Variants in IGSF21 observed in about 807,000 individuals in gnomAD.
IGSF21 encodes the protein immunoglobulin superfamily member 21.
IGSF21 carries 28 observed loss-of-function variants against 46.8 expected under a neutral mutation model. The observed-to-expected ratio is 0.60, with a 90% CI of 0.44 to 0.82. The LOEUF is 0.82. Among genes scored for constraint, IGSF21 ranks in the 40% least tolerant of loss-of-function variants. The probability of loss-of-function intolerance (pLI) is 0.00; values close to 1 mark genes in which losing one functional copy is unlikely to be tolerated. For missense variants in IGSF21, 624 were observed against 665.5 expected (o/e 0.94, Z 0.69); for synonymous variants, 284 against 273.6 (o/e 1.04, Z -0.38).
Position 18,334,820 on chromosome 1 carries a change from T to C in IGSF21, c.306-72T>C. The C allele has an allele frequency of 9.2e-7, 1 of 1,082,106 alleles. No homozygotes were observed. The highest frequency in any genetic ancestry group is 1.3e-5 in the South Asian group (1 of 78,644). 67.0% of individuals were successfully genotyped at this position (1,082,106 alleles called of 1,614,324 possible). A position where few individuals can be genotyped will look rare whatever the true frequency, so the allele number is the denominator to read the frequency against. ...GAGGCTGCACCAGTGGGCATCAGGA[T>C]GAGTTTCCTTGAACGCTGCCTCACC... On this transcript the variant is annotated intron_variant, in intron 3 of 9. Coordinates refer to ENST00000251296, the MANE Select transcript of IGSF21 (RefSeq NM_032880.5). This position sits in a 1 kb window ranked among gnomAD's most constrained non-coding sequence, Gnocchi z 4.3.
intron 8 of IGSF21, 39 bp from the exon 9 acceptor site, chr1:18,377,354 C>A: frequency 6.3e-7 from 1 of 1,594,450 alleles, no homozygotes; most frequent in Non-Finnish European, 8.6e-7. Context: ...CTCTGAAGGC[C>A]ATCCACCCTT....
intron 2 of IGSF21, among the ~76,000 whole-genome samples, chr1:18,271,991 C>T (rs979858336): frequency 5.9e-5 from 9 of 151,884 alleles, no homozygotes; most frequent in African/African-American, 2.2e-4. Flanking sequence ...TTCATGCTGC[C>T]GATAAAGACA....
intron 1 of IGSF21, among the ~76,000 whole-genome samples, chr1:18,215,031 C>A (rs975003861): frequency 6.6e-6 from 1 of 152,172 alleles, no homozygotes; most frequent in Non-Finnish European, 1.5e-5. Context: ...TGAGCCACTG[C>A]GCCTGGCCAG....
At chr1:18,267,019 C>A (rs2084996087) in intron 2 of IGSF21, among the ~76,000 whole-genome samples, 1 of 152,162 alleles carries the variant, frequency 6.6e-6, no homozygotes, top group African/African-American at 2.4e-5. Flanking sequence ...GAGAGGCCAG[C>A]ATGATGGAGG....
rs552426980 is a variant in IGSF21, at chr1:18,142,233, A to T, written c.70+34035A>T. Among the ~76,000 whole-genome samples, 6 of 152,222 alleles carry T rather than the reference A, an allele frequency of 3.9e-5. No individual in the cohort carries two copies. The East Asian group carries it at 1.2e-3, about 29-fold the overall frequency. On this transcript the variant is annotated intron_variant, in intron 1 of 9. Coordinates refer to ENST00000251296, the MANE Select transcript of IGSF21 (RefSeq NM_032880.5). ...ACAAGGGGACTCCATTTAATGAACA[A>T]CTACTCTATGACTAGCACCTATAAA...
chr1:18,243,309 A>G (rs1407435876), intron 2 of IGSF21, among the ~76,000 whole-genome samples: 1 of 152,048 alleles, frequency 6.6e-6, no homozygotes, highest in Non-Finnish European at 1.5e-5. Context: ...CGGCATCACC[A>G]TCCACCAGTT....
In IGSF21 at chr1:18,109,021, C is replaced by G. The variant is rs1465114364; in HGVS notation, c.70+823C>G. Among the ~76,000 whole-genome samples the G allele has an allele frequency of 3.6e-5, 2 of 55,922 alleles. No individual in the cohort carries two copies. Among genetic ancestry groups the G allele is most frequent in the Non-Finnish European group, 7.3e-5 (2 of 27,374 alleles). 36.7% of individuals were successfully genotyped at this position (55,922 alleles called of 152,430 possible). A position where few individuals can be genotyped will look rare whatever the true frequency, so the allele number is the denominator to read the frequency against. Reference sequence around the variant, plus strand: ...GTGTGTGTGTGTGTGTGTGTCCCGCCGTGTGGACTTGCTCCCGGGTTAGGC... The same window carrying G: ...GTGTGTGTGTGTGTGTGTGTCCCGCGGTGTGGACTTGCTCCCGGGTTAGGC... On this transcript the variant is annotated intron_variant, in intron 1 of 9. Coordinates refer to ENST00000251296, the MANE Select transcript of IGSF21 (RefSeq NM_032880.5). This position sits in a 1 kb window ranked among gnomAD's most constrained non-coding sequence, Gnocchi z 4.8.
chr1:18,320,398 T>A (rs1486207744), intron 3 of IGSF21, among the ~76,000 whole-genome samples: 1 of 152,176 alleles, frequency 6.6e-6, no homozygotes, highest in Non-Finnish European at 1.5e-5. Flanking sequence ...AGGACTGGGC[T>A]TTTGGTGGGC....
intron 2 of IGSF21, 26 bp from the exon 3 acceptor site, chr1:18,291,840 G>A (rs768348974): frequency 6.2e-6 from 10 of 1,612,200 alleles, no homozygotes; most frequent in South Asian, 5.5e-5. Context: ...GCACTCACGT[G>A]TGGCTATCTC....
At chr1:18,307,237 C>T (rs1397325871) in intron 3 of IGSF21, among the ~76,000 whole-genome samples, 1 of 152,068 alleles carries the variant, frequency 6.6e-6, no homozygotes, top group Non-Finnish European at 1.5e-5. Context: ...ACTCTCCCTC[C>T]TCCTCCCCAA....
intron 1 of IGSF21, among the ~76,000 whole-genome samples, chr1:18,227,580 G>A (rs2084581262): frequency 6.6e-6 from 1 of 151,718 alleles, no homozygotes; most frequent in Non-Finnish European, 1.5e-5. Flanking sequence ...GGCTGTTCTT[G>A]GAGGTGCCAG....
chr1:18,176,338 T>C (rs2086797217), intron 1 of IGSF21, among the ~76,000 whole-genome samples: 1 of 152,142 alleles, frequency 6.6e-6, no homozygotes, highest in African/African-American at 2.4e-5. Context: ...CCTGAAGGCA[T>C]TGTGGCAAAG....
At chr1:18,360,848 G>C (rs1402013704) in intron 4 of IGSF21, among the ~76,000 whole-genome samples, 2 of 152,188 alleles carry the variant, frequency 1.3e-5, no homozygotes, top group Non-Finnish European at 2.9e-5. Flanking sequence ...TTCCCATTTA[G>C]CAAATTGGGG....
chr1:18,285,875 T>C (rs969057770), intron 2 of IGSF21, among the ~76,000 whole-genome samples: 1 of 152,182 alleles, frequency 6.6e-6, no homozygotes, highest in East Asian at 1.9e-4. Flanking sequence ...TAGGCGCCAA[T>C]GTATGCCAGC....
chr1:18,250,568 C>T (rs572002030), intron 2 of IGSF21, among the ~76,000 whole-genome samples: 36 of 152,292 alleles, frequency 2.4e-4, no homozygotes, highest in Non-Finnish European at 3.7e-4. Context: ...ATTAAACTAC[C>T]TTCAAACATT....
intron 2 of IGSF21, among the ~76,000 whole-genome samples, chr1:18,246,004 G>A (rs1387956735): frequency 6.6e-6 from 1 of 152,222 alleles, no homozygotes; most frequent in African/African-American, 2.4e-5. Flanking sequence ...TGGAGGTGAA[G>A]ATAGATGCCC....
At chr1:18,274,271 T>G (rs534043952) in intron 2 of IGSF21, among the ~76,000 whole-genome samples, 1 of 141,946 alleles carries the variant, frequency 7.0e-6, no homozygotes, top group African/African-American at 2.8e-5. Flanking sequence ...CCAGACCTTG[T>G]GCCTTATCAC....
At chr1:18,342,627 C>A (rs771041047) in intron 4 of IGSF21, among the ~76,000 whole-genome samples, 22 of 152,106 alleles carry the variant, frequency 1.4e-4, no homozygotes, top group Non-Finnish European at 2.6e-4. Context: ...CCACAAACAC[C>A]CTTTCTGTCT....
At chr1:18,235,545 C>A (rs775359417) in intron 2 of IGSF21, among the ~76,000 whole-genome samples, 1 of 152,146 alleles carries the variant, frequency 6.6e-6, no homozygotes, top group Non-Finnish European at 1.5e-5. Flanking sequence ...GCAGAATAAT[C>A]CAGGCAGAGG....
Sources: gnomAD v4.1 joint callset for allele counts (sites outside exome capture counted in the v4.1 genomes callset) on GRCh38, gnomAD v4.1.1 for gene constraint, Gnocchi (gnomAD v3.1) non-coding constraint, MANE v1.5 for transcripts, NCBI Gene and HGNC (gene_info 2026-07-23, HGNC 2026-07-21) for gene names.